Variants in DBNDD1 observed in about 807,000 individuals in gnomAD.
The protein encoded by DBNDD1 is dysbindin domain-containing protein 1.
Under a neutral mutation model 17.0 loss-of-function variants are expected in DBNDD1, and 14 were observed. That is an observed-to-expected ratio of 0.82 (90% confidence interval 0.54 to 1.29). The LOEUF (loss-of-function observed/expected upper bound fraction) is 1.29. DBNDD1 is among the 50% of genes most tolerant of loss of function. The probability of loss-of-function intolerance (pLI) is 0.00; values close to 1 mark genes in which losing one functional copy is unlikely to be tolerated. For synonymous variants in DBNDD1, 105 were observed against 102.0 expected, an observed-to-expected ratio of 1.03 and a Z score of -0.18; for missense variants, 221 against 216.2, an observed-to-expected ratio of 1.02 and a Z score of -0.14.
chr16:90,006,132 G>A lies in DBNDD1; in HGVS notation c.*203C>T. 1.4e-6 allele frequency: 1 copy of A among 737,316 alleles called. No homozygotes were observed. The highest frequency in any genetic ancestry group is 2.1e-6 in the Non-Finnish European group (1 of 480,076). The allele number at this position is 737,316 out of a possible 1,614,324, so 45.7% of individuals were successfully genotyped here. A position where few individuals can be genotyped will look rare whatever the true frequency, so the allele number is the denominator to read the frequency against. Reference sequence around the variant, plus strand: ...CGTGTGTCCCCCAGGAAAGCCGGCTGGTCTCCAAGTGAGGCGAAGACCCGT... The same window carrying A: ...CGTGTGTCCCCCAGGAAAGCCGGCTAGTCTCCAAGTGAGGCGAAGACCCGT... On this transcript the variant is annotated 3_prime_UTR_variant, in exon 4 of 4. Coordinates refer to ENST00000002501, the MANE Select transcript of DBNDD1 (RefSeq NM_001042610.3).
chr16:90,008,179 C>G (rs58237569), intron 3 of DBNDD1, among the ~76,000 whole-genome samples: 514 of 29,510 alleles, frequency 0.017, 16 homozygotes, highest in African/African-American at 0.035. Context: ...AGCCCACCAC[C>G]CACACCTCCC....
chr16:90,013,385 T>G (rs2035589816), intron 1 of DBNDD1, among the ~76,000 whole-genome samples: 1 of 151,518 alleles, frequency 6.6e-6, no homozygotes, highest in South Asian at 2.1e-4. Flanking sequence ...GGGAAGACTC[T>G]GAGCTTTGTA....
intron 1 of DBNDD1, among the ~76,000 whole-genome samples, chr16:90,017,450 G>C (rs539426574): frequency 6.6e-6 from 1 of 151,872 alleles, no homozygotes; most frequent in East Asian, 1.9e-4. Flanking sequence ...AGCCGAGATC[G>C]CGCCACTGCA....
chr16:90,009,170 C>T, intron 2 of DBNDD1, 114 bp downstream of exon 2: 1 of 1,466,212 alleles, frequency 6.8e-7, no homozygotes, highest in Admixed American at 2.5e-5. Flanking sequence ...GCACACAGCG[C>T]CGGACCTAGA....
chr16:90,019,674 C>A, upstream of DBNDD1: 1 of 532,764 alleles, frequency 1.9e-6, no homozygotes, highest in Non-Finnish European at 3.3e-6. The surrounding 1 kb of genome is among the most constrained non-coding windows in gnomAD (Gnocchi z 6.1). Context: ...ACCACCGGGA[C>A]CTGGCTGCGC....
chr16:90,018,597 C>T (rs2035690994), intron 1 of DBNDD1, among the ~76,000 whole-genome samples: 1 of 152,244 alleles, frequency 6.6e-6, no homozygotes, highest in African/African-American at 2.4e-5. Context: ...CCCGAAAGCC[C>T]TTTTGGAAAA....
At chr16:90,010,455 C>T (rs1171988538) in intron 1 of DBNDD1, among the ~76,000 whole-genome samples, 1 of 150,950 alleles carries the variant, frequency 6.6e-6, no homozygotes, top group African/African-American at 2.4e-5. Context: ...GCAGTCTCCA[C>T]CTCACGGGTT....
chr16:90,005,770 G>T lies in DBNDD1; in HGVS notation c.*565C>A, dbSNP rs933349940. ...CTCCGTGGAGTAGAAGAAGGGGCAG[G>T]ATGGAAATCAAGGTGGGAATTTTGG... On this transcript the variant is annotated 3_prime_UTR_variant, in exon 4 of 4. Transcript: ENST00000002501. 1.3e-5 allele frequency: 2 copies of T among 154,116 alleles called. No individual in the cohort carries two copies. The highest frequency in any genetic ancestry group is 4.8e-5 in the African/African-American group (2 of 41,458). 9.5% of individuals were successfully genotyped at this position (154,116 alleles called of 1,614,324 possible).
upstream of DBNDD1, chr16:90,019,642 C>G: frequency 2.3e-6 from 1 of 426,132 alleles, no homozygotes; most frequent in South Asian, 5.9e-5. The surrounding 1 kb of genome is among the most constrained non-coding windows in gnomAD (Gnocchi z 6.1). Context: ...CCTTCCCTCG[C>G]GGGCCGCGCC....
intron 3 of DBNDD1, chr16:90,007,566 C>G (rs560388888): frequency 1.6e-4 from 24 of 152,436 alleles, no homozygotes; most frequent in African/African-American, 5.8e-4. Flanking sequence ...TGTGAGGACA[C>G]TGGAGCTGCC....
In DBNDD1 at chr16:90,009,051, A is replaced by G. The variant is rs188258441; in HGVS notation, c.179-127T>C. ...GTGGGTGAACCACAGCTTCCTGCAAAGCCCACACCGGCAGGATCTGATGAG... is the reference window on the plus strand; with the variant it reads ...GTGGGTGAACCACAGCTTCCTGCAAGGCCCACACCGGCAGGATCTGATGAG... On this transcript the variant is annotated intron_variant, in intron 2 of 3. Coordinates refer to ENST00000002501, the MANE Select transcript of DBNDD1 (RefSeq NM_001042610.3). The G allele has an allele frequency of 3.5e-5, 46 of 1,313,804 alleles. No individual in the cohort carries two copies. In the Admixed American group the frequency reaches 6.1e-4, roughly 17 times the overall value. The allele number at this position is 1,313,804 out of a possible 1,614,324, so 81.4% of individuals were successfully genotyped here. A position where few individuals can be genotyped will look rare whatever the true frequency, so the allele number is the denominator to read the frequency against.
chr16:90,009,020 A>G, intron 2 of DBNDD1, 96 bp from the exon 3 acceptor site: 1 of 1,425,854 alleles, frequency 7.0e-7, no homozygotes, highest in Non-Finnish European at 9.2e-7. Context: ...GTCCTCCCAC[A>G]AGGCTGTGGG....
At chr16:90,011,741 G>A (rs995827153) in intron 1 of DBNDD1, 1 of 446,474 alleles carries the variant, frequency 2.2e-6, no homozygotes, top group South Asian at 1.6e-5. Flanking sequence ...AGTTACTGGT[G>A]TCCTGGCCCA....
intron 1 of DBNDD1, among the ~76,000 whole-genome samples, chr16:90,010,366 CCTT>C (rs1432579205): frequency 2.8e-5 from 4 of 141,386 alleles, no homozygotes; most frequent in African/African-American, 1.1e-4. Context: ...AACGTAACTA[CCTT>C]TTTTTTTTTT....
At chr16:90,012,781 C>G (rs1445658964) in intron 1 of DBNDD1, among the ~76,000 whole-genome samples, 2 of 148,090 alleles carry the variant, frequency 1.4e-5, no homozygotes, top group Non-Finnish European at 3.0e-5. Flanking sequence ...GAGACAAGGT[C>G]TCACTGTTGC....
chr16:90,008,219 A>C (rs1392545908), intron 3 of DBNDD1, among the ~76,000 whole-genome samples: 105 of 3,160 alleles, frequency 0.033, no homozygotes, highest in Non-Finnish European at 0.056. Context: ...CACCCCCCAA[A>C]CACACCTCCC....
chr16:90,016,674 T>C (rs1489861603), intron 1 of DBNDD1, among the ~76,000 whole-genome samples: 2 of 152,144 alleles, frequency 1.3e-5, no homozygotes, highest in African/African-American at 4.8e-5. Context: ...CAGGCTTCCC[T>C]GAGGGCTGAT....
At chr16:90,017,464 C>T (rs1228543330) in intron 1 of DBNDD1, among the ~76,000 whole-genome samples, 4 of 151,450 alleles carry the variant, frequency 2.6e-5, no homozygotes, top group Admixed American at 1.3e-4. Flanking sequence ...CACTGCACTC[C>T]GGCCTGGGCA....
chr16:90,007,042 C>G (rs1045802947), intron 3 of DBNDD1: 6 of 154,558 alleles, frequency 3.9e-5, no homozygotes, highest in South Asian at 2.0e-4. Context: ...GAGCCCCTCA[C>G]TCCACCTCCC....
Sources: gnomAD v4.1 joint callset for allele counts (sites outside exome capture counted in the v4.1 genomes callset) on GRCh38, gnomAD v4.1.1 for gene constraint, Gnocchi (gnomAD v3.1) non-coding constraint, MANE v1.5 for transcripts, NCBI Gene and HGNC (gene_info 2026-07-23, HGNC 2026-07-21) for gene names.